The following PGPEP1 variants were observed in gnomAD, a reference collection of about 807,000 sequenced individuals.
PGPEP1 encodes the protein pyroglutamyl-peptidase 1.
Under a neutral mutation model 24.1 loss-of-function variants are expected in PGPEP1, and 15 were observed. That is an observed-to-expected ratio of 0.62 (90% CI 0.42 to 0.96). PGPEP1 has a LOEUF of 0.96. Ranked by LOEUF, PGPEP1 falls within the 40% of genes least tolerant of loss-of-function variation. PGPEP1 has a pLI of 0.00. For missense variants in PGPEP1, 242 were observed against 273.4 expected, an observed-to-expected ratio of 0.89 and a Z score of 0.81; for synonymous variants, 122 against 116.4, an observed-to-expected ratio of 1.05 and a Z score of -0.31.
intron 2 of PGPEP1, among the ~76,000 whole-genome samples, chr19:18,352,663 C>A (rs951311263): frequency 2.6e-5 from 4 of 151,810 alleles, no homozygotes; most frequent in African/African-American, 9.7e-5. Flanking sequence ...TCAAGCCATT[C>A]TCATGCCTCA....
At chr19:18,342,764 CT>C in intron 1 of PGPEP1, 94 bp from the exon 2 acceptor site, 1 of 969,118 alleles carries the variant, frequency 1.0e-6, no homozygotes, top group Non-Finnish European at 1.7e-6. Flanking sequence ...CCTGAAGCTC[CT>C]TTCTTGCTTC....
In PGPEP1 at chr19:18,342,942, C is replaced by T. The variant is rs1293798058; in HGVS notation, c.87+31C>T. ...TTAGATCCGGAGGGTGGGAGTCAGG[C>T]TTGGAGCTGGGCACACCCCAGAAAG... On this transcript the variant is annotated intron_variant, in intron 2 of 4. Transcript: ENST00000269919. 2.6e-6 allele frequency: 4 copies of T among 1,568,500 alleles called. No individual in the cohort carries two copies. In the South Asian group the frequency reaches 4.4e-5, roughly 17 times the overall value.
At position 18,369,332 on chromosome 19, in the gene PGPEP1, G is replaced by C. The variant is rs1403632450; in HGVS notation, c.*5749G>C. 1 of 152,114 alleles carries C rather than the reference G, an allele frequency of 6.6e-6. No homozygotes were observed. Among genetic ancestry groups the C allele is most frequent in the Non-Finnish European group, 1.5e-5 (1 of 68,254 alleles). The allele number at this position is 152,114 out of a possible 1,614,324, so 9.4% of individuals were successfully genotyped here. A position where few individuals can be genotyped will look rare whatever the true frequency, so the allele number is the denominator to read the frequency against. On this transcript the variant is annotated 3_prime_UTR_variant, in exon 5 of 5. Transcript: ENST00000269919. The stretch of plus-strand genomic sequence containing the variant: ...CTTTCTCCCCGCTGTGCCTCCCCCA[G>C]TTACCCACAGAAGTGCCTGCCTCTC...
At chr19:18,357,788 G>A (rs1971231174) in intron 4 of PGPEP1, 173 bp downstream of exon 4, 1 of 608,734 alleles carries the variant, frequency 1.6e-6, no homozygotes, top group Non-Finnish European at 3.0e-6. Flanking sequence ...CTGCTCCTGG[G>A]ACTCATGGAT....
At chr19:18,357,343 C>T (rs367919606) in intron 3 of PGPEP1, 40 bp from the exon 4 acceptor site, 40 of 1,517,642 alleles carry the variant, frequency 2.6e-5, no homozygotes, top group African/African-American at 4.1e-5. Context: ...CTGAGTCCCA[C>T]GGGCAGGCCA....
rs1023815270 is a variant in PGPEP1, at chr19:18,355,814, G to A, written c.88-81G>A. 41 of 874,302 alleles carry A rather than the reference G, an allele frequency of 4.7e-5. No homozygotes were observed. The South Asian group carries it at 4.8e-4, about 10-fold the overall frequency. The allele number at this position is 874,302 out of a possible 1,614,324, so 54.2% of individuals were successfully genotyped here. A position where few individuals can be genotyped will look rare whatever the true frequency, so the allele number is the denominator to read the frequency against. Reference sequence around the variant, plus strand: ...TGCAGAATGAGTCTGGAGAACGCCTGTTTGTTTCACCCCCCAGAGAGCGCA... The same window carrying A: ...TGCAGAATGAGTCTGGAGAACGCCTATTTGTTTCACCCCCCAGAGAGCGCA... On this transcript the variant is annotated intron_variant, in intron 2 of 4. Transcript: ENST00000269919.
intron 2 of PGPEP1, among the ~76,000 whole-genome samples, chr19:18,354,452 G>A (rs1320867133): frequency 4.0e-5 from 6 of 151,766 alleles, no homozygotes; most frequent in Admixed American, 1.3e-4. Flanking sequence ...CCGAGGTGGC[G>A]CCGCTGCATT....
intron 1 of PGPEP1, among the ~76,000 whole-genome samples, chr19:18,341,908 C>T (rs1280498706): frequency 1.4e-5 from 2 of 147,814 alleles, no homozygotes; most frequent in Non-Finnish European, 2.9e-5. Flanking sequence ...CCAGATGGAC[C>T]GTATTTTTTT....
At chr19:18,345,281 C>T (rs542964590) in intron 2 of PGPEP1, among the ~76,000 whole-genome samples, 38 of 152,130 alleles carry the variant, frequency 2.5e-4, no homozygotes, top group South Asian at 2.3e-3. Context: ...GGATTACAGG[C>T]GTGAGTCACT....
At position 18,363,457 on chromosome 19, in the gene PGPEP1, C is replaced by T. The variant is rs138740972; in HGVS notation, c.504C>T (p.His168=). The change falls in exon 5 of 5, where the codon CAC becomes CAT. Residue 168 remains histidine (H), a synonymous_variant. Transcript: ENST00000269919. ...GTCACGGTCGATCAGCCTTCGTCCA[C>T]GTGCCCCCACTGGGGAAGCCGTACA... ...YQSHGRSAFV[H]VPPLGKPYNA... 8.7e-6 allele frequency: 14 copies of T among 1,613,992 alleles called. No individual in the cohort carries two copies. Among genetic ancestry groups the T allele is most frequent in the East Asian group, 2.2e-5 (1 of 44,896 alleles).
chr19:18,343,042 C>T (rs1255553286), intron 2 of PGPEP1, 131 bp downstream of exon 2: 17 of 682,350 alleles, frequency 2.5e-5, no homozygotes, highest in Non-Finnish European at 3.9e-5. Flanking sequence ...CTCTGTCACC[C>T]AGGCTGGAAT....
At position 18,364,853 on chromosome 19, in the gene PGPEP1, C is replaced by T. The variant is rs1449065355; in HGVS notation, c.*1270C>T. The stretch of plus-strand genomic sequence containing the variant: ...TTCTTTTTTAATATGTAAAACTCCA[C>T]ATCAGCGGAAACCCCCCCCTACTTC... On this transcript the variant is annotated 3_prime_UTR_variant, in exon 5 of 5. Transcript: ENST00000269919. The T allele has an allele frequency of 6.6e-6, 1 of 151,980 alleles. No homozygotes were observed. Among genetic ancestry groups the T allele is most frequent in the East Asian group, 1.9e-4 (1 of 5,182 alleles). 9.4% of individuals were successfully genotyped at this position (151,980 alleles called of 1,614,324 possible).
intron 2 of PGPEP1, among the ~76,000 whole-genome samples, chr19:18,346,645 T>C (rs2144535466): frequency 7.0e-6 from 1 of 142,954 alleles, no homozygotes; most frequent in African/African-American, 2.6e-5. Context: ...TTTTTTTTTT[T>C]TTTTTTTTTT....
intron 4 of PGPEP1, among the ~76,000 whole-genome samples, chr19:18,359,736 C>T (rs1040501881): frequency 6.6e-6 from 1 of 152,104 alleles, no homozygotes; most frequent in African/African-American, 2.4e-5. Flanking sequence ...TGGTCTCGAA[C>T]TCCCGACCTC....
rs1055115086 is a variant in PGPEP1, at chr19:18,367,106, T to C, written c.*3523T>C. ...GGGAGGTTGAAGCCCCAGTGAGCCA[T>C]GATCACACCACTGTAGTCCAGCCCG... is the stretch of plus-strand genomic sequence containing the variant. On this transcript the variant is annotated 3_prime_UTR_variant, in exon 5 of 5. Transcript: ENST00000269919. The C allele has an allele frequency of 2.1e-5, 3 of 141,804 alleles. No individual in the cohort carries two copies. The highest frequency in any genetic ancestry group is 8.2e-5 in the African/African-American group (3 of 36,660). 8.8% of individuals were successfully genotyped at this position (141,804 alleles called of 1,614,324 possible).
intron 2 of PGPEP1, among the ~76,000 whole-genome samples, chr19:18,345,557 TAA>T (rs548430287): frequency 5.8e-5 from 8 of 138,366 alleles, no homozygotes; most frequent in East Asian, 2.1e-4. Flanking sequence ...ACCCCATCTC[TAA>T]AAAAAAAAAA....
At chr19:18,347,452 C>T (rs1000289895) in intron 2 of PGPEP1, among the ~76,000 whole-genome samples, 3 of 151,002 alleles carry the variant, frequency 2.0e-5, no homozygotes, top group Non-Finnish European at 4.4e-5. Flanking sequence ...CTCTCTGGGT[C>T]TTACTATCTC....
intron 2 of PGPEP1, among the ~76,000 whole-genome samples, chr19:18,348,360 G>A (rs1231834346): frequency 6.6e-6 from 1 of 152,192 alleles, no homozygotes; most frequent in Non-Finnish European, 1.5e-5. Context: ...GGAACAAAGA[G>A]GGTCTTTGTC....
rs1971424961 is a variant in PGPEP1 at position 18,363,732 on chromosome 19, CCTT to C, written c.*152_*154del. 13 of 555,130 alleles carry C rather than the reference CCTT, an allele frequency of 2.3e-5. No individual in the cohort carries two copies. The Admixed American group carries it at 2.9e-4, about 12-fold the overall frequency. The allele number at this position is 555,130 out of a possible 1,614,324, so 34.4% of individuals were successfully genotyped here. ...TCTGATCTGCCCACCTCCTCTTCCT[CCTT>C]CTCTACAAAAGCTCCGGTTGATTCG... On this transcript the variant is annotated 3_prime_UTR_variant, in exon 5 of 5. Coordinates refer to ENST00000269919, the MANE Select transcript of PGPEP1 (RefSeq NM_017712.4).
Sources: gnomAD v4.1 joint callset for allele counts (sites outside exome capture counted in the v4.1 genomes callset) on GRCh38, gnomAD v4.1.1 for gene constraint, MANE v1.5 for transcripts, NCBI Gene and HGNC (gene_info 2026-07-23, HGNC 2026-07-21) for gene names.